MDGA2: variants seen among roughly 807,000 people sequenced by gnomAD.
The protein encoded by MDGA2 is MAM domain containing glycosylphosphatidylinositol anchor 2.
MDGA2 carries 40 observed loss-of-function variants against 117.8 expected under a neutral mutation model. The ratio of observed to expected loss-of-function variants is 0.34; its 90% CI spans 0.26 to 0.44. MDGA2 has a LOEUF of 0.44. MDGA2 is among the 20% of genes least tolerant of loss of function. The probability of loss-of-function intolerance (pLI) is 1.00; values close to 1 mark genes in which losing one functional copy is unlikely to be tolerated. For missense variants in MDGA2, 1,123 were observed against 1,250.6 expected, an observed-to-expected ratio of 0.90 and a Z score of 1.54; for synonymous variants, 452 against 439.0, an observed-to-expected ratio of 1.03 and a Z score of -0.37.
Position 47,057,325 on chromosome 14 carries a change from T to G in MDGA2, c.1525+3924A>C, listed in dbSNP as rs573029617. The stretch of plus-strand genomic sequence containing the variant: ...AAGCACAGTATGCAACCACTATATA[T>G]TGCCTAGTTTCTACGTAATCTGTCT... On this transcript the variant is annotated intron_variant, in intron 7 of 16. Coordinates refer to ENST00000399232, the MANE Select transcript of MDGA2 (RefSeq NM_001113498.3). Among the ~76,000 whole-genome samples the G allele has an allele frequency of 7.2e-5, 11 of 152,232 alleles. No individual in the cohort carries two copies. The East Asian group carries it at 2.1e-3, about 29-fold the overall frequency.
chr14:47,382,170 G>T (rs1426978305), intron 1 of MDGA2, among the ~76,000 whole-genome samples: 1 of 152,138 alleles, frequency 6.6e-6, no homozygotes, highest in East Asian at 1.9e-4. Context: ...GCTGAAACTG[G>T]ATCCCTTCCT....
chr14:47,650,906 T>A (rs1297039477), intron 1 of MDGA2, among the ~76,000 whole-genome samples: 1 of 152,182 alleles, frequency 6.6e-6, no homozygotes, highest in Non-Finnish European at 1.5e-5. Context: ...CCACTGCCAC[T>A]ATGACTGCTG....
At chr14:46,949,723 A>G (rs964779444) in intron 9 of MDGA2, among the ~76,000 whole-genome samples, 1 of 151,986 alleles carries the variant, frequency 6.6e-6, no homozygotes, top group African/African-American at 2.4e-5. Flanking sequence ...TTCCTCATAT[A>G]TATACCACAT....
chr14:47,174,153 C>A (rs926366773), intron 3 of MDGA2, among the ~76,000 whole-genome samples: 5 of 152,040 alleles, frequency 3.3e-5, no homozygotes, highest in Admixed American at 2.0e-4. Context: ...TAAAGCAAGT[C>A]CTGAGTGACC....
In MDGA2 at chr14:46,989,924, T is replaced by A. The variant is rs147482810; in HGVS notation, c.1820-32281A>T. On this transcript the variant is annotated intron_variant, in intron 8 of 16. Coordinates refer to ENST00000399232, the MANE Select transcript of MDGA2 (RefSeq NM_001113498.3). ...TGGTACTAGTATCCCAGCATTCAATTTATCCATATTATGAAATTAAAATAA... is the reference window on the plus strand; with the variant it reads ...TGGTACTAGTATCCCAGCATTCAATATATCCATATTATGAAATTAAAATAA... 5.3e-5 allele frequency among the ~76,000 whole-genome samples: 8 copies of A among 152,240 alleles called. No homozygotes were observed. The East Asian group carries it at 1.5e-3, about 29-fold the overall frequency.
chr14:46,888,400 T>A (rs1013983130), intron 10 of MDGA2, among the ~76,000 whole-genome samples: 7 of 151,952 alleles, frequency 4.6e-5, no homozygotes, highest in Admixed American at 4.6e-4. Context: ...GTTAAACCAT[T>A]TTCTTCATGT....
rs567152216 is a variant in MDGA2, at chr14:47,119,224, C to T, written c.925+12490G>A. Among the ~76,000 whole-genome samples the T allele has an allele frequency of 4.7e-4, 69 of 147,406 alleles. No homozygotes were observed. In the East Asian group the frequency reaches 0.012, roughly 25 times the overall value. On this transcript the variant is annotated intron_variant, in intron 5 of 16. Coordinates refer to ENST00000399232, the MANE Select transcript of MDGA2 (RefSeq NM_001113498.3). ...GGGACTACAGGCACCCGCCACCACA[C>T]CCGGGTAATTTTTTGTATTTTTAGT... is the stretch of plus-strand genomic sequence containing the variant.
Position 46,841,001 on chromosome 14 carries a change from T to TA in MDGA2, c.*929dup, listed in dbSNP as rs1880587051. 6.6e-6 allele frequency: 1 copy of TA among 152,626 alleles called. No individual in the cohort carries two copies. The highest frequency in any genetic ancestry group is 1.5e-5 in the Non-Finnish European group (1 of 68,034). 9.5% of individuals were successfully genotyped at this position (152,626 alleles called of 1,614,324 possible). ...AGAAGCGGCTTTGTTGTCTTGCCTG[T>TA]AATTTGCACATTTAGGCTCTGTAGT... On this transcript the variant is annotated 3_prime_UTR_variant, in exon 17 of 17. Transcript: ENST00000399232.
chr14:47,455,734 C>T (rs1003930103), intron 1 of MDGA2, among the ~76,000 whole-genome samples: 3 of 148,048 alleles, frequency 2.0e-5, no homozygotes, highest in South Asian at 2.3e-4. Flanking sequence ...CAATGGCTCA[C>T]GCCTGTAATC....
At chr14:47,158,519 C>T (rs1169514855) in intron 3 of MDGA2, among the ~76,000 whole-genome samples, 2 of 151,000 alleles carry the variant, frequency 1.3e-5, no homozygotes, top group East Asian at 3.9e-4. Flanking sequence ...CTAACTCTGC[C>T]ACTCAGGCTG....
At chr14:47,593,015 T>C (rs1400504641) in intron 1 of MDGA2, among the ~76,000 whole-genome samples, 1 of 150,864 alleles carries the variant, frequency 6.6e-6, no homozygotes, top group Non-Finnish European at 1.5e-5. Context: ...ATCCTGAATC[T>C]ACAAGGAACT....
chr14:47,333,930 T>C (rs371516087), intron 1 of MDGA2, among the ~76,000 whole-genome samples: 15 of 151,848 alleles, frequency 9.9e-5, no homozygotes, highest in African/African-American at 3.6e-4. Flanking sequence ...ATAATATTTC[T>C]GGATCCCTAT....
intron 10 of MDGA2, among the ~76,000 whole-genome samples, chr14:46,907,384 GA>G (rs1408208069): frequency 5.3e-5 from 8 of 152,044 alleles, no homozygotes; most frequent in Non-Finnish European, 1.2e-4. Context: ...AATACCTGCT[GA>G]TCTAATTTGC....
intron 5 of MDGA2, among the ~76,000 whole-genome samples, chr14:47,108,534 CA>C (rs10716506): frequency 0.15 from 21,867 of 146,836 alleles, 1,061 homozygotes; most frequent in Admixed American, 0.2. Context: ...CATCCTGGCT[CA>C]AAAAGCACCC....
rs1594996253 is a variant in MDGA2, at chr14:46,854,893, C to A, written c.2883+131G>T. 1.6e-5 allele frequency: 12 copies of A among 773,322 alleles called. No homozygotes were observed. The East Asian group carries it at 3.7e-4, about 24-fold the overall frequency. 47.9% of individuals were successfully genotyped at this position (773,322 alleles called of 1,614,324 possible). On this transcript the variant is annotated intron_variant, in intron 15 of 16. Transcript: ENST00000399232. Reference sequence around the variant, plus strand: ...ACAGCTTTTAGAACTAAAGCAAAACCTAATCATATAATTTTTGTGATGCTT... The same window carrying A: ...ACAGCTTTTAGAACTAAAGCAAAACATAATCATATAATTTTTGTGATGCTT...
intron 1 of MDGA2, among the ~76,000 whole-genome samples, chr14:47,511,246 C>T (rs547289472): frequency 6.6e-6 from 1 of 152,196 alleles, no homozygotes; most frequent in South Asian, 2.1e-4. Flanking sequence ...AAAGAAACCT[C>T]ATTACTGGTG....
intron 1 of MDGA2, among the ~76,000 whole-genome samples, chr14:47,314,932 G>A (rs1889758888): frequency 6.6e-6 from 1 of 152,088 alleles, no homozygotes; most frequent in Non-Finnish European, 1.5e-5. Flanking sequence ...CCCCATTAAT[G>A]TACTATTGCA....
At position 47,336,505 on chromosome 14, in the gene MDGA2, C is replaced by T. The variant is rs116340309; in HGVS notation, c.281-34955G>A. ...TTGGCATTATTTTTCTTATTTTTGA[C>T]GTATAAGTAACTTGCCCTAGATCAC... On this transcript the variant is annotated intron_variant, in intron 1 of 16. Transcript: ENST00000399232. Among the ~76,000 whole-genome samples the T allele has an allele frequency of 1.9e-3, 291 of 151,978 alleles. 3 individuals are homozygous for T. Among genetic ancestry groups the T allele is most frequent in the African/African-American group, 6.6e-3 (274 of 41,472 alleles).
intron 1 of MDGA2, among the ~76,000 whole-genome samples, chr14:47,388,304 A>G (rs1252424615): frequency 6.6e-6 from 1 of 152,136 alleles, no homozygotes; most frequent in Non-Finnish European, 1.5e-5. Context: ...GTCCACCATT[A>G]TCCAGGTTGA....
Sources: allele counts gnomAD v4.1 joint callset (sites outside exome capture counted in the v4.1 genomes callset), GRCh38; gene constraint gnomAD v4.1.1; transcripts MANE v1.5; gene names NCBI Gene and HGNC (gene_info 2026-07-23, HGNC 2026-07-21).